Variants in GPR22 observed in about 807,000 individuals in gnomAD.
GPR22 encodes G protein-coupled receptor 22.
GPR22 carries 13 observed loss-of-function variants against 31.0 expected under a neutral mutation model. The ratio of observed to expected loss-of-function variants is 0.42; its 90% CI spans 0.27 to 0.67. GPR22 has a LOEUF of 0.67. Among genes scored for constraint, GPR22 ranks in the 30% least tolerant of loss-of-function variants. GPR22 has a pLI of 0.25. For synonymous variants in GPR22, 191 were observed against 173.4 expected, an observed-to-expected ratio of 1.10 and a Z score of -0.80; for missense variants, 368 against 509.6, an observed-to-expected ratio of 0.72 and a Z score of 2.67.
downstream of GPR22, among the ~76,000 whole-genome samples, chr7:107,476,678 T>C (rs1797016138): frequency 6.6e-6 from 1 of 151,710 alleles, no homozygotes; most frequent in South Asian, 2.1e-4. Flanking sequence ...CTATCAGAAA[T>C]TTAGCAATAA....
rs767450024 is a variant in GPR22, at chr7:107,475,375, G to C, written c.*13G>C. ...TGTCACAGACTAGAGAAAAGTCTCA[G>C]TTTCACCAAATCCACATTCAAATGA... On this transcript the variant is annotated 3_prime_UTR_variant, in exon 3 of 3. Transcript: ENST00000304402. 2 of 1,223,552 alleles carry C rather than the reference G, an allele frequency of 1.6e-6. No individual in the cohort carries two copies. The highest frequency in any genetic ancestry group is 2.3e-6 in the Non-Finnish European group (2 of 881,534). 75.8% of individuals were successfully genotyped at this position (1,223,552 alleles called of 1,614,324 possible). A position where few individuals can be genotyped will look rare whatever the true frequency, so the allele number is the denominator to read the frequency against.
intron 2 of GPR22, among the ~76,000 whole-genome samples, chr7:107,473,264 T>C (rs1342519853): frequency 6.6e-6 from 1 of 151,948 alleles, no homozygotes; most frequent in East Asian, 1.9e-4. Context: ...TTCCACAAGA[T>C]ACAAGAGGGT....
rs960434788 is a variant in GPR22, at chr7:107,474,528, A to G, written c.468A>G (p.Arg156=). 3 of 1,612,070 alleles carry G rather than the reference A, an allele frequency of 1.9e-6. No homozygotes were observed. The highest frequency in any genetic ancestry group is 8.5e-7 in the Non-Finnish European group (1 of 1,178,532). The change falls in exon 3 of 3, where the codon AGA becomes AGG. Residue 156 remains arginine, a synonymous_variant. Coordinates refer to ENST00000304402, the MANE Select transcript of GPR22 (RefSeq NM_005295.3). This position sits in a 1 kb window ranked among gnomAD's most constrained non-coding sequence, Gnocchi z 5.7. The part of the protein sequence containing the change: ...KPANRILTMG[R]AVMLMISIWI... ...CAAACCGAATTCTGACAATGGGCAG[A>G]GCTGTAATGTTAATGATATCCATTT...
chr7:107,471,043 T>C (rs1412111843), intron 1 of GPR22, among the ~76,000 whole-genome samples: 1 of 152,022 alleles, frequency 6.6e-6, no homozygotes, highest in Admixed American at 6.6e-5. Context: ...GTATGTTTAG[T>C]GTATGCTAAT....
At chr7:107,470,583 A>G (rs911464947) in intron 1 of GPR22, 138 bp downstream of exon 1, 21 of 152,122 alleles carry the variant, frequency 1.4e-4, no homozygotes, top group African/African-American at 4.6e-4. Context: ...TTTAAGATCT[A>G]TTTCTTTTAA....
At chr7:107,473,228 T>C (rs1446352191) in intron 2 of GPR22, among the ~76,000 whole-genome samples, 1 of 151,956 alleles carries the variant, frequency 6.6e-6, no homozygotes, top group African/African-American at 2.4e-5. Flanking sequence ...TATTTCTTAA[T>C]GTGATATTAA....
intron 2 of GPR22, among the ~76,000 whole-genome samples, chr7:107,473,385 A>G (rs1796757330): frequency 6.6e-6 from 1 of 151,952 alleles, no homozygotes; most frequent in South Asian, 2.1e-4. Context: ...AAGTTTGCCA[A>G]CTGCAAAGTT....
chr7:107,471,612 G>A lies in GPR22; in HGVS notation c.-717G>A, dbSNP rs1279425667. The A allele has an allele frequency of 6.6e-6, 1 of 151,904 alleles. No homozygotes were observed. The highest frequency in any genetic ancestry group is 2.4e-5 in the African/African-American group (1 of 41,384). The allele number at this position is 151,904 out of a possible 1,614,324, so 9.4% of individuals were successfully genotyped here. Reference sequence around the variant, plus strand: ...AAAGAAAAACAATATAACTGTAAAAGCCTGAAAAGAATTTTTAAAAGGGGA... The same window carrying A: ...AAAGAAAAACAATATAACTGTAAAAACCTGAAAAGAATTTTTAAAAGGGGA... On this transcript the variant is annotated 5_prime_UTR_variant, in exon 2 of 3. Transcript: ENST00000304402.
rs1373692393 is a variant in GPR22, at chr7:107,475,486, T to C, written c.*124T>C. The C allele has an allele frequency of 7.0e-6, 4 of 568,748 alleles. No homozygotes were observed. The Admixed American group carries it at 1.1e-4, about 15-fold the overall frequency. The allele number at this position is 568,748 out of a possible 1,614,324, so 35.2% of individuals were successfully genotyped here. On this transcript the variant is annotated 3_prime_UTR_variant, in exon 3 of 3. Coordinates refer to ENST00000304402, the MANE Select transcript of GPR22 (RefSeq NM_005295.3). ...TATTGGTTATGTTGTAAATTTTCAA[T>C]GTGAATGTCAATTAGATAGGTCATA...
In GPR22 at chr7:107,475,202, A is replaced by C; in HGVS notation, c.1142A>C (p.Lys381Thr). ...AAATTTCAAAAGGTCTTGAAAAGTA[A>C]AATGAAAAAGCGAGTTGTTTCTATA... ...RQKFQKVLKS[K>T]MKKRVVSIVE... Residue 381 changes from lysine (K) to threonine (T), a missense_variant, in exon 3 of 3, where the codon AAA (lysine) becomes ACA (threonine). Lys to Thr is a moderately conservative substitution (Grantham distance 78). Coordinates refer to ENST00000304402, the MANE Select transcript of GPR22 (RefSeq NM_005295.3). 6.2e-7 allele frequency: 1 copy of C among 1,612,282 alleles called. No homozygotes were observed.
intron 1 of GPR22, among the ~76,000 whole-genome samples, chr7:107,470,673 G>T (rs1280840645): frequency 6.6e-6 from 1 of 152,032 alleles, no homozygotes; most frequent in Non-Finnish European, 1.5e-5. Flanking sequence ...TATGAAGACA[G>T]CTTTTGAGTC....
chr7:107,470,616 AT>A (rs1478529826), intron 1 of GPR22, among the ~76,000 whole-genome samples, 171 bp downstream of exon 1: 2 of 152,030 alleles, frequency 1.3e-5, no homozygotes, highest in African/African-American at 2.4e-5. Context: ...TTTAAATGTA[AT>A]TTTTTAGGAT....
In GPR22 at chr7:107,474,197, G is replaced by A. The variant is rs1419439157; in HGVS notation, c.137G>A (p.Gly46Glu). The stretch of plus-strand genomic sequence containing the variant: ...TTAAGCTTTCAAGTGTCTCTCACCG[G>A]ATTTCTTATGTTAGAAATTGTGTTG... ...YPLSFQVSLT[G>E]FLMLEIVLGL... is the part of the protein sequence containing the mutation. Residue 46 changes from glycine (G) to glutamate (E), a missense_variant, in exon 3 of 3, where the codon GGA (glycine) becomes GAA (glutamate). Coordinates refer to ENST00000304402, the MANE Select transcript of GPR22 (RefSeq NM_005295.3). This position sits in a 1 kb window ranked among gnomAD's most constrained non-coding sequence, Gnocchi z 5.7. The A allele has an allele frequency of 6.2e-7, 1 of 1,612,786 alleles. No homozygotes were observed. Among genetic ancestry groups the A allele is most frequent in the Non-Finnish European group, 8.5e-7 (1 of 1,179,146 alleles).
At chr7:107,472,344 A>G (rs1441459729) in intron 2 of GPR22, 42 bp downstream of exon 2, 2 of 152,004 alleles carry the variant, frequency 1.3e-5, no homozygotes, top group Non-Finnish European at 1.5e-5. Context: ...ATCATGTATC[A>G]ATTTGCCAAA....
rs1796821190 is a variant in GPR22 at position 107,474,064 on chromosome 7, T to A, written c.4T>A (p.Cys2Ser). The A allele has an allele frequency of 6.6e-7, 1 of 1,526,204 alleles. No homozygotes were observed. The highest frequency in any genetic ancestry group is 2.0e-5 in the Admixed American group (1 of 50,620). 94.5% of individuals were successfully genotyped at this position (1,526,204 alleles called of 1,614,324 possible). ...AAAAACCAACTGCTCCAAAAGAATG[T>A]GTTTTTCTCCCATTCTGGAAATCAA... M[C>S]FSPILEINMQ... The change falls in exon 3 of 3, where the codon TGT becomes AGT. Residue 2 changes from cysteine to serine, a missense_variant. Cys to Ser is a moderately radical substitution (Grantham distance 112, BLOSUM62 -1). Coordinates refer to ENST00000304402, the MANE Select transcript of GPR22 (RefSeq NM_005295.3). The surrounding 1 kb of genome is among the most constrained non-coding windows in gnomAD (Gnocchi z 5.7).
chr7:107,474,642 A>G lies in GPR22; in HGVS notation c.582A>G (p.Thr194=), dbSNP rs369554589. The G allele has an allele frequency of 3.7e-6, 6 of 1,610,340 alleles. No individual in the cohort carries two copies. The highest frequency in any genetic ancestry group is 4.2e-6 in the Non-Finnish European group (5 of 1,177,302). The change falls in exon 3 of 3, where the codon ACA becomes ACG. Residue 194 remains threonine (T), a synonymous_variant. Transcript: ENST00000304402. This position sits in a 1 kb window ranked among gnomAD's most constrained non-coding sequence, Gnocchi z 5.7. The part of the protein sequence containing the change: ...LQSGNTWENK[T]LLCVSTNEYY... Reference sequence around the variant, plus strand: ...GTGGAAATACCTGGGAAAACAAGACACTTTTATGTGTCAGTACAAATGAAT... The same window carrying G: ...GTGGAAATACCTGGGAAAACAAGACGCTTTTATGTGTCAGTACAAATGAAT...
intron 2 of GPR22, 163 bp downstream of exon 2, chr7:107,472,465 C>G (rs1031645415): frequency 8.6e-5 from 13 of 151,944 alleles, no homozygotes; most frequent in African/African-American, 2.9e-4. Context: ...GAATCTTGCT[C>G]TAGAGAAAAT....
rs1037355587 is a variant in GPR22 at position 107,471,991 on chromosome 7, G to A, written c.-338G>A. 5.3e-5 allele frequency: 8 copies of A among 151,920 alleles called. No homozygotes were observed. The highest frequency in any genetic ancestry group is 1.9e-4 in the African/African-American group (8 of 41,408). The allele number at this position is 151,920 out of a possible 1,614,324, so 9.4% of individuals were successfully genotyped here. A position where few individuals can be genotyped will look rare whatever the true frequency, so the allele number is the denominator to read the frequency against. Reference sequence around the variant, plus strand: ...CTGCTATTAAAAACAGATTTACAATGGTAACAAAAGGATGTCTAAATATAT... The same window carrying A: ...CTGCTATTAAAAACAGATTTACAATAGTAACAAAAGGATGTCTAAATATAT... On this transcript the variant is annotated 5_prime_UTR_variant, in exon 2 of 3. It removes an upstream start codon present in the reference 5' UTR. Coordinates refer to ENST00000304402, the MANE Select transcript of GPR22 (RefSeq NM_005295.3).
downstream of GPR22, among the ~76,000 whole-genome samples, chr7:107,477,598 C>T (rs1438936554): frequency 6.6e-6 from 1 of 151,814 alleles, no homozygotes; most frequent in Non-Finnish European, 1.5e-5. Flanking sequence ...CCGTAATGAT[C>T]TTTCAGGTAT....
Sources: allele counts gnomAD v4.1 joint callset (sites outside exome capture counted in the v4.1 genomes callset), GRCh38; gene constraint gnomAD v4.1.1; non-coding constraint Gnocchi (gnomAD v3.1); transcripts MANE v1.5; gene names NCBI Gene and HGNC (gene_info 2026-07-23, HGNC 2026-07-21).